INIP: variants seen among roughly 807,000 people sequenced by gnomAD.
INIP encodes the protein INTS3 and NABP interacting protein.
In INIP, 9 loss-of-function variants were observed where a neutral mutation model predicts 14.0. The ratio of observed to expected loss-of-function variants is 0.64; its 90% CI spans 0.39 to 1.12. The LOEUF is 1.12. INIP is among the 50% of genes most tolerant of loss of function. The pLI is 0.01. For missense variants in INIP, 78 were observed against 122.7 expected (o/e 0.64, Z 1.72); for synonymous variants, 37 against 41.5 (o/e 0.89, Z 0.41).
chr9:112,700,678 T>C (rs189519812), intron 2 of INIP, among the ~76,000 whole-genome samples: 1 of 151,672 alleles, frequency 6.6e-6, no homozygotes, highest in Non-Finnish European at 1.5e-5. Flanking sequence ...ATAAGATTCA[T>C]CAACTTTTTA....
In INIP at chr9:112,686,464, C is replaced by G. The variant is rs1837669566; in HGVS notation, c.*1074G>C. On this transcript the variant is annotated 3_prime_UTR_variant, in exon 5 of 5. Transcript: ENST00000374242. ...ACTTTCTTAACCTAATCCCTTCCTA[C>G]TTAATTAAAAAGGAGCTCGACTTGC... 6.6e-6 allele frequency: 1 copy of G among 152,152 alleles called. No homozygotes were observed. The highest frequency in any genetic ancestry group is 1.5e-5 in the Non-Finnish European group (1 of 68,036). 9.4% of individuals were successfully genotyped at this position (152,152 alleles called of 1,614,324 possible). A position where few individuals can be genotyped will look rare whatever the true frequency, so the allele number is the denominator to read the frequency against.
chr9:112,689,444 A>T (rs1837798294), intron 4 of INIP, 83 bp downstream of exon 4: 3 of 1,053,740 alleles, frequency 2.8e-6, no homozygotes, highest in African/African-American at 1.6e-5. Context: ...ATATTGCTCC[A>T]CTGAAATATA....
At chr9:112,697,042 G>A (rs1838120438) in intron 2 of INIP, among the ~76,000 whole-genome samples, 1 of 152,274 alleles carries the variant, frequency 6.6e-6, no homozygotes, top group South Asian at 2.1e-4. Flanking sequence ...CCTTTCCCCG[G>A]AGGTCAGTAG....
At chr9:112,707,752 A>T (rs972407599) in intron 2 of INIP, among the ~76,000 whole-genome samples, 1 of 152,214 alleles carries the variant, frequency 6.6e-6, no homozygotes, top group African/African-American at 2.4e-5. Flanking sequence ...TTTTTAAAAG[A>T]TTACTTAAAT....
At chr9:112,703,057 A>G (rs1450283233) in intron 2 of INIP, among the ~76,000 whole-genome samples, 1 of 152,102 alleles carries the variant, frequency 6.6e-6, no homozygotes, top group Non-Finnish European at 1.5e-5. Context: ...TTTGTTTAAC[A>G]TTTCTGAACT....
intron 3 of INIP, 32 bp from the exon 4 acceptor site, chr9:112,689,649 T>A: frequency 6.5e-7 from 1 of 1,545,762 alleles, no homozygotes; most frequent in Non-Finnish European, 8.9e-7. Context: ...CTCAGCTGCT[T>A]AAGGCAGAAA....
At chr9:112,696,837 G>A (rs139138683) in intron 2 of INIP, among the ~76,000 whole-genome samples, 19 of 152,260 alleles carry the variant, frequency 1.2e-4, no homozygotes, top group African/African-American at 4.3e-4. Context: ...GAGATGCATC[G>A]GGCCAGGCAC....
At chr9:112,704,160 A>G (rs537257571) in intron 2 of INIP, among the ~76,000 whole-genome samples, 1 of 152,334 alleles carries the variant, frequency 6.6e-6, no homozygotes, top group East Asian at 1.9e-4. Context: ...CACATACCAA[A>G]AACAAGAAAT....
chr9:112,717,528 A>T (rs1019074471), intron 1 of INIP, among the ~76,000 whole-genome samples: 159 of 122,102 alleles, frequency 1.3e-3, no homozygotes, highest in Non-Finnish European at 2.1e-3. Flanking sequence ...ACTATTAATT[A>T]AAAAAAAAAA....
chr9:112,701,551 A>G (rs1284718098), intron 2 of INIP, among the ~76,000 whole-genome samples: 1 of 152,238 alleles, frequency 6.6e-6, no homozygotes, highest in Non-Finnish European at 1.5e-5. Context: ...GTATACTGGA[A>G]TGTCTCATTT....
intron 2 of INIP, among the ~76,000 whole-genome samples, chr9:112,712,147 G>C (rs1838667339): frequency 6.6e-6 from 1 of 152,178 alleles, no homozygotes; most frequent in Non-Finnish European, 1.5e-5. Flanking sequence ...TTAGGGGCAA[G>C]GCTTGAGGGA....
At chr9:112,709,042 C>G (rs16917242) in intron 2 of INIP, among the ~76,000 whole-genome samples, 26,184 of 151,896 alleles carry the variant, frequency 0.17, 2,586 homozygotes, top group Admixed American at 0.24. Flanking sequence ...AATGTCTGCT[C>G]AGGTGATCTG....
chr9:112,696,483 T>G (rs977087504), intron 2 of INIP, among the ~76,000 whole-genome samples: 5 of 152,340 alleles, frequency 3.3e-5, no homozygotes, highest in South Asian at 4.1e-4. Context: ...CTACTCTCAT[T>G]CAACACAAAA....
At chr9:112,697,401 T>C (rs1838132699) in intron 2 of INIP, among the ~76,000 whole-genome samples, 1 of 152,170 alleles carries the variant, frequency 6.6e-6, no homozygotes. Flanking sequence ...AACAGAATGG[T>C]TATTCAAGAC....
intron 2 of INIP, among the ~76,000 whole-genome samples, chr9:112,699,582 T>C (rs1271950858): frequency 6.6e-6 from 1 of 152,206 alleles, no homozygotes; most frequent in Non-Finnish European, 1.5e-5. Context: ...TTAAACTTTA[T>C]CGTAGGTATG....
At chr9:112,689,054 GCAC>G (rs1262585847) in intron 4 of INIP, among the ~76,000 whole-genome samples, 1 of 151,466 alleles carries the variant, frequency 6.6e-6, no homozygotes, top group African/African-American at 2.4e-5. Context: ...AACTGACGAA[GCAC>G]CACATTTCTA....
chr9:112,707,330 C>CT lies in INIP; in HGVS notation c.25+9130dup, dbSNP rs560195464. ...AAACAAATAAAAAATCTGTTTCAAA[C>CT]TTTTTTTTTTTTTAAGAGACAGGAT... is the stretch of plus-strand genomic sequence containing the variant. On this transcript the variant is annotated intron_variant, in intron 2 of 4. Coordinates refer to ENST00000374242, the MANE Select transcript of INIP (RefSeq NM_021218.3). Among the ~76,000 whole-genome samples the CT allele has an allele frequency of 2.4e-3, 321 of 132,650 alleles. 2 individuals carry two copies. Among genetic ancestry groups the CT allele is most frequent in the African/African-American group, 6.7e-3 (246 of 36,550 alleles). The allele number at this position is 132,650 out of a possible 152,430, so 87.0% of individuals were successfully genotyped here. A position where few individuals can be genotyped will look rare whatever the true frequency, so the allele number is the denominator to read the frequency against.
At chr9:112,712,972 T>G (rs940513589) in intron 2 of INIP, among the ~76,000 whole-genome samples, 9 of 151,670 alleles carry the variant, frequency 5.9e-5, no homozygotes, top group Admixed American at 3.9e-4. Context: ...CAGAGAAAAA[T>G]AACACATTAC....
rs1176767456 is a variant in INIP at position 112,715,121 on chromosome 9, TACATACATACATACACACACACAC to T, written c.25+1316_25+1339del. 8.3e-4 allele frequency among the ~76,000 whole-genome samples: 89 copies of T among 106,920 alleles called. 1 individual carries two copies. The highest frequency in any genetic ancestry group is 4.3e-3 in the Middle Eastern group (1 of 232). 70.1% of individuals were successfully genotyped at this position (106,920 alleles called of 152,430 possible). A position where few individuals can be genotyped will look rare whatever the true frequency, so the allele number is the denominator to read the frequency against. On this transcript the variant is annotated intron_variant, in intron 2 of 4. Coordinates refer to ENST00000374242, the MANE Select transcript of INIP (RefSeq NM_021218.3). ...CAATTGAGATCTTAAAATACACACA[TACATACATACATACACACACACAC>T]ACACACACACACACACACACACACA...
Sources: gnomAD v4.1 joint callset for allele counts (sites outside exome capture counted in the v4.1 genomes callset) on GRCh38, gnomAD v4.1.1 for gene constraint, MANE v1.5 for transcripts, NCBI Gene and HGNC (gene_info 2026-07-23, HGNC 2026-07-21) for gene names.